DLG5: variants seen among roughly 807,000 people sequenced by gnomAD.
DLG5 encodes the protein discs large MAGUK scaffold protein 5.
Under a neutral mutation model 189.8 loss-of-function variants are expected in DLG5, and 48 were observed. The observed-to-expected ratio is 0.25, with a 90% CI of 0.20 to 0.32. The LOEUF (loss-of-function observed/expected upper bound fraction) is 0.32, where lower values mean the gene tolerates loss of function less well. Among genes scored for constraint, DLG5 ranks in the 10% least tolerant of loss-of-function variants. DLG5 has a pLI of 1.00. For missense variants in DLG5, 2,160 were observed against 2,544.7 expected (o/e 0.85, Z 3.25); for synonymous variants, 1,016 against 1,054.1 (o/e 0.96, Z 0.70).
In DLG5 at chr10:77,816,987, G is replaced by C; in HGVS notation, c.3874+20C>G. 2 of 1,611,240 alleles carry C rather than the reference G, an allele frequency of 1.2e-6. No individual in the cohort carries two copies. The highest frequency in any genetic ancestry group is 2.2e-5 in the South Asian group (2 of 90,990). ...ACCGCAGGAAAAGCAGGAGAGATGG[G>C]AATGTCGAGAAGTCCTTACCTCTCT... is the stretch of plus-strand genomic sequence containing the variant. On this transcript the variant is annotated intron_variant, in intron 19 of 31. Transcript: ENST00000372391.
At chr10:77,830,073 G>T in intron 11 of DLG5, 144 bp downstream of exon 11, 2 of 977,864 alleles carry the variant, frequency 2.0e-6, no homozygotes, top group Non-Finnish European at 3.0e-6. Flanking sequence ...ATTATTAGCT[G>T]CTGAGACTGC....
chr10:77,794,989 C>T (rs138820743), intron 29 of DLG5, 31 bp from the exon 30 acceptor site: 43 of 1,593,332 alleles, frequency 2.7e-5, no homozygotes, highest in East Asian at 1.1e-4. Context: ...TGAGCCCTGG[C>T]GGGCAGTGAG....
At chr10:77,917,476 C>T (rs879291397) in intron 1 of DLG5, among the ~76,000 whole-genome samples, 26 of 150,424 alleles carry the variant, frequency 1.7e-4, no homozygotes, top group African/African-American at 3.4e-4. Context: ...TGAGTACCAC[C>T]GCACTCCATG....
intron 3 of DLG5, among the ~76,000 whole-genome samples, chr10:77,855,747 C>G (rs1280970520): frequency 6.6e-6 from 1 of 152,198 alleles, no homozygotes; most frequent in African/African-American, 2.4e-5. Flanking sequence ...CTGGCATAAT[C>G]CCAGAGGCAC....
intron 31 of DLG5, chr10:77,793,533 GTTT>G (rs1268319642): frequency 6.7e-6 from 1 of 149,296 alleles, no homozygotes; most frequent in African/African-American, 2.5e-5. Flanking sequence ...GGACAGCATT[GTTT>G]TTTTTTGTTT....
intron 20 of DLG5, among the ~76,000 whole-genome samples, chr10:77,814,114 AT>A (rs1841917486): frequency 6.6e-6 from 1 of 151,826 alleles, no homozygotes; most frequent in Non-Finnish European, 1.5e-5. Flanking sequence ...AGTAGCTGGG[AT>A]TACAGGTGTA....
chr10:77,810,448 C>T (rs887040197), intron 23 of DLG5, among the ~76,000 whole-genome samples: 3 of 152,316 alleles, frequency 2.0e-5, no homozygotes, highest in African/African-American at 2.4e-5. Flanking sequence ...TCCTCCAGGA[C>T]GGCAGAGTGA....
At chr10:77,868,805 T>C in intron 2 of DLG5, 6 of 376,142 alleles carry the variant, frequency 1.6e-5, no homozygotes, top group Non-Finnish European at 2.9e-5. Flanking sequence ...GTGAGTCTCC[T>C]GGGCAGTGGT....
At position 77,854,370 on chromosome 10, in the gene DLG5, C is replaced by T. The variant is rs992799859; in HGVS notation, c.537G>A (p.Arg179=). The T allele has an allele frequency of 6.2e-7, 1 of 1,613,876 alleles. No individual in the cohort carries two copies. Among genetic ancestry groups the T allele is most frequent in the African/African-American group, 1.3e-5 (1 of 75,056 alleles). The change falls in exon 4 of 32, where the codon AGG becomes AGA. Residue 179 remains arginine, a splice_region_variant and synonymous_variant. Transcript: ENST00000372391. ...FATHGTAFDK[R]PYHRLNPDYE... ...AGTCAGGATTCAGCCTGTGGTAGGG[C>T]CTGGCCCAGAGAGCGAATGGCCCCA...
intron 21 of DLG5, 57 bp downstream of exon 21, chr10:77,812,158 A>G (rs1359032039): frequency 2.1e-5 from 33 of 1,596,458 alleles, no homozygotes; most frequent in Non-Finnish European, 2.7e-5. Context: ...GGAGGAGGAG[A>G]GGGGGAAGAA....
At chr10:77,792,921 C>A in intron 31 of DLG5, 1 of 251,058 alleles carries the variant, frequency 4.0e-6, no homozygotes, top group Non-Finnish European at 7.7e-6. Flanking sequence ...AGAGGAGAGT[C>A]ACAGAAAGAT....
At chr10:77,931,155 C>T (rs1250279302), upstream of DLG5, among the ~76,000 whole-genome samples, 1 of 152,050 alleles carries the variant, frequency 6.6e-6, no homozygotes, top group African/African-American at 2.4e-5. Flanking sequence ...TGTGGTTTCA[C>T]CATGTTGGCC....
Position 77,880,788 on chromosome 10 carries a change from G to A in DLG5, c.305-11591C>T, listed in dbSNP as rs991351015. On this transcript the variant is annotated intron_variant, in intron 1 of 31. Coordinates refer to ENST00000372391, the MANE Select transcript of DLG5 (RefSeq NM_004747.4). Reference sequence around the variant, plus strand: ...ACTTGTTGCAAGAAAGGCACTATTTGTATGGATTATTTCATTTAATTCTCC... The same window carrying A: ...ACTTGTTGCAAGAAAGGCACTATTTATATGGATTATTTCATTTAATTCTCC... 2.0e-5 allele frequency among the ~76,000 whole-genome samples: 3 copies of A among 152,082 alleles called. 1 individual carries two copies. Among genetic ancestry groups the A allele is most frequent in the Admixed American group, 1.3e-4 (2 of 15,264 alleles).
intron 1 of DLG5, among the ~76,000 whole-genome samples, chr10:77,898,131 C>T (rs1369371115): frequency 6.6e-6 from 1 of 152,236 alleles, no homozygotes; most frequent in African/African-American, 2.4e-5. Flanking sequence ...GAACAGCCTT[C>T]TCCATCAGCG....
At chr10:77,872,946 T>A (rs1042122321) in intron 1 of DLG5, among the ~76,000 whole-genome samples, 9 of 151,462 alleles carry the variant, frequency 5.9e-5, no homozygotes, top group African/African-American at 2.2e-4. Flanking sequence ...GGAGAAACAG[T>A]GTGGAGGGAC....
rs543992737 is a variant in DLG5, at chr10:77,806,443, C to G, written c.4967+315G>C. On this transcript the variant is annotated intron_variant, in intron 26 of 31. Transcript: ENST00000372391. ...TAACTGTAGTGGCGGCTGCACACACCTATCAATATGTTGAAAACCACTGAA... is the reference window on the plus strand; with the variant it reads ...TAACTGTAGTGGCGGCTGCACACACGTATCAATATGTTGAAAACCACTGAA... Among the ~76,000 whole-genome samples, 19 of 152,278 alleles carry G rather than the reference C, an allele frequency of 1.2e-4. No homozygotes were observed. In the South Asian group the frequency reaches 2.1e-3, roughly 17 times the overall value.
At chr10:77,822,972 T>C (rs955851215) in intron 14 of DLG5, among the ~76,000 whole-genome samples, 1 of 152,198 alleles carries the variant, frequency 6.6e-6, no homozygotes, top group Non-Finnish European at 1.5e-5. Context: ...CTACTCTGTA[T>C]GATATTACAA....
At chr10:77,829,236 A>T in intron 12 of DLG5, 119 bp downstream of exon 12, 1 of 1,380,396 alleles carries the variant, frequency 7.2e-7, no homozygotes, top group Non-Finnish European at 1.0e-6. Flanking sequence ...GGCTACATTT[A>T]AATGGCATTG....
chr10:77,864,628 G>A (rs983517125), intron 2 of DLG5, among the ~76,000 whole-genome samples: 5 of 152,246 alleles, frequency 3.3e-5, no homozygotes, highest in South Asian at 2.1e-4. Context: ...GCAGCACTCC[G>A]TGTGGTAAAA....
Sources: allele counts gnomAD v4.1 joint callset (sites outside exome capture counted in the v4.1 genomes callset), GRCh38; gene constraint gnomAD v4.1.1; transcripts MANE v1.5; gene names NCBI Gene and HGNC (gene_info 2026-07-23, HGNC 2026-07-21).